ADAMTSL1: variants seen among roughly 807,000 people sequenced by gnomAD.
ADAMTSL1 encodes ADAMTS-like protein 1.
In ADAMTSL1, 126 loss-of-function variants were observed where a neutral mutation model predicts 201.8. That is an observed-to-expected ratio of 0.62 (90% CI 0.54 to 0.72). ADAMTSL1 has a LOEUF of 0.72. ADAMTSL1 is among the 30% of genes least tolerant of loss of function. ADAMTSL1 has a pLI of 0.00. For missense variants in ADAMTSL1, 2,679 were observed against 2,277.8 expected (o/e 1.18, Z -3.59); for synonymous variants, 1,121 against 903.4 (o/e 1.24, Z -4.32).
intron 2 of ADAMTSL1, among the ~76,000 whole-genome samples, chr9:18,262,643 C>T (rs996269194): frequency 1.1e-4 from 17 of 152,114 alleles, no homozygotes; most frequent in African/African-American, 3.6e-4. Context: ...CAGAGATTCT[C>T]ATTTGGCACC....
At chr9:18,406,972 A>G (rs910253445) in intron 2 of ADAMTSL1, among the ~76,000 whole-genome samples, 7 of 152,250 alleles carry the variant, frequency 4.6e-5, no homozygotes, top group African/African-American at 1.7e-4. Context: ...GTTTATAACA[A>G]TAAAAGATTT....
At chr9:17,994,876 T>C (rs1819307614) in intron 1 of ADAMTSL1, among the ~76,000 whole-genome samples, 1 of 152,094 alleles carries the variant, frequency 6.6e-6, no homozygotes, top group Admixed American at 6.6e-5. Flanking sequence ...CCTTGAGAGA[T>C]TACACAATTA....
chr9:17,966,870 G>T (rs1455585482), intron 1 of ADAMTSL1, among the ~76,000 whole-genome samples: 3 of 152,036 alleles, frequency 2.0e-5, no homozygotes, highest in African/African-American at 7.2e-5. Flanking sequence ...GAAAAAGGGT[G>T]TAATATTTTC....
chr9:18,892,819 T>C (rs1285558417), intron 26 of ADAMTSL1, among the ~76,000 whole-genome samples: 1 of 152,154 alleles, frequency 6.6e-6, no homozygotes, highest in African/African-American at 2.4e-5. Context: ...TGAATGTTTT[T>C]AGGCAGTCAG....
intron 1 of ADAMTSL1, among the ~76,000 whole-genome samples, chr9:18,138,962 G>A (rs988183781): frequency 6.6e-6 from 1 of 152,172 alleles, no homozygotes; most frequent in African/African-American, 2.4e-5. Context: ...GAGGAAGACT[G>A]ATAATCTGGA....
chr9:18,842,092 T>G (rs1417351840), intron 23 of ADAMTSL1, among the ~76,000 whole-genome samples: 7 of 151,962 alleles, frequency 4.6e-5, no homozygotes, highest in Non-Finnish European at 7.4e-5. Context: ...TTTGAATGTG[T>G]TTGCTCTTGC....
intron 1 of ADAMTSL1, among the ~76,000 whole-genome samples, chr9:18,098,998 T>C (rs1263585385): frequency 1.3e-5 from 2 of 152,140 alleles, no homozygotes; most frequent in Non-Finnish European, 2.9e-5. Flanking sequence ...AGTTGCCTTA[T>C]ATATTTGATT....
rs558389063 is a variant in ADAMTSL1, at chr9:18,108,398, C to T, written c.88-55464C>T. Among the ~76,000 whole-genome samples the T allele has an allele frequency of 3.3e-5, 5 of 151,912 alleles. No individual in the cohort carries two copies. The East Asian group carries it at 9.8e-4, about 30-fold the overall frequency. ...AATTTTTTGTTGAGACAAGGTTTTG[C>T]CATATTGCACAGGCTGGTCTTGAAC... On this transcript the variant is annotated intron_variant, in intron 1 of 29. Coordinates refer to the ADAMTSL1 transcript ENST00000680146.
At chr9:18,572,182 G>C (rs549135924) in intron 3 of ADAMTSL1, among the ~76,000 whole-genome samples, 43 of 150,092 alleles carry the variant, frequency 2.9e-4, no homozygotes, top group African/African-American at 1.0e-3. Flanking sequence ...GAGACAGAGC[G>C]AGACTCCTTG....
intron 27 of ADAMTSL1, 145 bp downstream of exon 27, chr9:18,906,036 G>GGGGAGGCCAGTGGCTT: frequency 2.8e-6 from 2 of 703,700 alleles, no homozygotes; most frequent in Non-Finnish European, 4.8e-6. Flanking sequence ...GCAAGCCACT[G>GGGGAGGCCAGTGGCTT]GCCTCCCCAG....
At chr9:18,308,870 G>A (rs1217529289) in intron 2 of ADAMTSL1, among the ~76,000 whole-genome samples, 1 of 152,096 alleles carries the variant, frequency 6.6e-6, no homozygotes, top group African/African-American at 2.4e-5. Context: ...AAACCTGGCA[G>A]AGACATAGCA....
chr9:18,196,668 A>C (rs1430463979), intron 2 of ADAMTSL1, among the ~76,000 whole-genome samples: 1 of 151,914 alleles, frequency 6.6e-6, no homozygotes, highest in African/African-American at 2.4e-5. Flanking sequence ...TTTTCTTCCA[A>C]ATCCTGATCA....
chr9:18,789,684 A>G (rs1821911024), intron 19 of ADAMTSL1, among the ~76,000 whole-genome samples: 1 of 152,072 alleles, frequency 6.6e-6, no homozygotes, highest in South Asian at 2.1e-4. Context: ...AGATCAGGAA[A>G]CAGACAGATT....
chr9:18,749,646 C>T (rs745633524), intron 15 of ADAMTSL1, among the ~76,000 whole-genome samples: 4 of 152,296 alleles, frequency 2.6e-5, no homozygotes, highest in Admixed American at 6.5e-5. Flanking sequence ...ACAGAACGCA[C>T]GGAATAGGGC....
chr9:18,753,943 A>G (rs1220522706), intron 16 of ADAMTSL1, among the ~76,000 whole-genome samples: 3 of 152,222 alleles, frequency 2.0e-5, no homozygotes, highest in Non-Finnish European at 4.4e-5. Context: ...ACTTAGCAAT[A>G]TAAGAAGTTA....
intron 1 of ADAMTSL1, among the ~76,000 whole-genome samples, chr9:18,493,330 A>G (rs1822358741): frequency 6.6e-6 from 1 of 152,228 alleles, no homozygotes; most frequent in African/African-American, 2.4e-5. Context: ...TACACTCATT[A>G]AAAATGATTT....
chr9:18,185,297 T>C (rs2132202600), intron 2 of ADAMTSL1, among the ~76,000 whole-genome samples: 1 of 152,262 alleles, frequency 6.6e-6, no homozygotes, highest in African/African-American at 2.4e-5. Context: ...CCTACTGGCT[T>C]TGAAGAAGCC....
intron 2 of ADAMTSL1, among the ~76,000 whole-genome samples, chr9:18,320,229 A>C (rs917842633): frequency 6.6e-6 from 1 of 152,216 alleles, no homozygotes; most frequent in Non-Finnish European, 1.5e-5. Flanking sequence ...GGAACAGTTA[A>C]ACCATGCTGT....
chr9:18,828,009 A>G (rs769097801), intron 22 of ADAMTSL1, among the ~76,000 whole-genome samples: 15 of 152,230 alleles, frequency 9.9e-5, no homozygotes, highest in Non-Finnish European at 1.9e-4. Context: ...CATTTTGTGG[A>G]TGAAACTGAG....
Sources: allele counts gnomAD v4.1 joint callset (sites outside exome capture counted in the v4.1 genomes callset), GRCh38; gene constraint gnomAD v4.1.1; transcripts MANE v1.5; gene names NCBI Gene and HGNC (gene_info 2026-07-23, HGNC 2026-07-21).